The following INPP4B variants were observed in gnomAD, a reference collection of about 807,000 sequenced individuals.
The protein encoded by INPP4B is inositol polyphosphate 4-phosphatase type II.
Under a neutral mutation model 122.5 loss-of-function variants are expected in INPP4B, and 55 were observed. That is an observed-to-expected ratio of 0.45 (90% CI 0.36 to 0.56). The LOEUF (loss-of-function observed/expected upper bound fraction) is 0.56. Among genes scored for constraint, INPP4B ranks in the 20% least tolerant of loss-of-function variants. INPP4B has a pLI of 0.00. For missense variants in INPP4B, 1,000 were observed against 1,097.7 expected (o/e 0.91, Z 1.26); for synonymous variants, 403 against 388.7 (o/e 1.04, Z -0.43).
At chr4:142,590,885 A>AT (rs1336831623) in intron 2 of INPP4B, among the ~76,000 whole-genome samples, 4 of 147,900 alleles carry the variant, frequency 2.7e-5, no homozygotes, top group African/African-American at 1.0e-4. Context: ...ATTCTCCAAA[A>AT]AAAAAAAAAA....
intron 23 of INPP4B, among the ~76,000 whole-genome samples, chr4:142,089,474 CACACACAGAG>C (rs1778443665): frequency 8.5e-6 from 1 of 117,394 alleles, no homozygotes; most frequent in Admixed American, 8.3e-5. Flanking sequence ...CACACACACA[CACACACAGAG>C]AGAGAGAGAG....
At chr4:142,844,046 G>C (rs953958742) in intron 1 of INPP4B, among the ~76,000 whole-genome samples, 1 of 152,114 alleles carries the variant, frequency 6.6e-6, no homozygotes, top group African/African-American at 2.4e-5. Context: ...TATGATAGTA[G>C]AGCGATTTAG....
At chr4:142,080,301 C>T (rs918516445) in intron 25 of INPP4B, among the ~76,000 whole-genome samples, 1 of 152,054 alleles carries the variant, frequency 6.6e-6, no homozygotes, top group African/African-American at 2.4e-5. Flanking sequence ...AGGCAAAATA[C>T]CCAGAGGGAA....
chr4:142,815,461 T>C (rs1489329953), intron 1 of INPP4B, among the ~76,000 whole-genome samples: 2 of 152,290 alleles, frequency 1.3e-5, no homozygotes, highest in East Asian at 3.9e-4. Flanking sequence ...CCCATACTGT[T>C]CTAGGATAAT....
At chr4:142,646,514 A>C (rs944576575) in intron 2 of INPP4B, among the ~76,000 whole-genome samples, 1 of 152,242 alleles carries the variant, frequency 6.6e-6, no homozygotes, top group East Asian at 1.9e-4. Context: ...AAAATGTTTT[A>C]GTCCTAGCCA....
chr4:142,217,887 T>G (rs1847968726), intron 12 of INPP4B, among the ~76,000 whole-genome samples: 2 of 152,258 alleles, frequency 1.3e-5, no homozygotes, highest in Admixed American at 6.5e-5. Context: ...AACTGAGACT[T>G]TGCTTTTTTC....
intron 1 of INPP4B, among the ~76,000 whole-genome samples, chr4:142,729,191 C>T (rs2150872825): frequency 6.6e-6 from 1 of 152,258 alleles, no homozygotes; most frequent in East Asian, 1.9e-4. Flanking sequence ...ATGGGGAGCT[C>T]AGGCAGTAAT....
At chr4:142,827,212 A>G (rs972256218) in intron 1 of INPP4B, among the ~76,000 whole-genome samples, 1 of 152,196 alleles carries the variant, frequency 6.6e-6, no homozygotes, top group African/African-American at 2.4e-5. Flanking sequence ...CCATGTTGTC[A>G]GCATAAGAGC....
At chr4:142,749,386 C>CAA (rs1769298585) in intron 1 of INPP4B, among the ~76,000 whole-genome samples, 2 of 149,238 alleles carry the variant, frequency 1.3e-5, no homozygotes, top group East Asian at 2.0e-4. Flanking sequence ...TTTCTAACTT[C>CAA]AAAAAAGTAA....
chr4:142,730,842 C>A (rs1015176514), intron 1 of INPP4B, among the ~76,000 whole-genome samples: 4 of 152,186 alleles, frequency 2.6e-5, no homozygotes, highest in African/African-American at 7.2e-5. Flanking sequence ...CAATTGCTAT[C>A]TATTAAATAT....
chr4:142,308,929 C>A (rs559707837), intron 8 of INPP4B, among the ~76,000 whole-genome samples: 1 of 152,256 alleles, frequency 6.6e-6, no homozygotes, highest in South Asian at 2.1e-4. Context: ...TTCCGGCCCC[C>A]AGGCTCACCA....
intron 9 of INPP4B, among the ~76,000 whole-genome samples, chr4:142,289,926 A>G (rs1035201498): frequency 2.0e-5 from 3 of 152,140 alleles, no homozygotes; most frequent in African/African-American, 7.2e-5. Flanking sequence ...AAATGTATCC[A>G]GAATGTGACC....
At chr4:142,524,894 C>T (rs1358564325) in intron 2 of INPP4B, among the ~76,000 whole-genome samples, 2 of 151,318 alleles carry the variant, frequency 1.3e-5, no homozygotes, top group South Asian at 2.1e-4. Flanking sequence ...CCAGGGCAAT[C>T]AGGCAGGAGA....
intron 23 of INPP4B, among the ~76,000 whole-genome samples, chr4:142,106,183 T>C (rs141401005): frequency 1.6e-4 from 25 of 152,354 alleles, no homozygotes; most frequent in African/African-American, 5.5e-4. Context: ...ATTGGTTTTA[T>C]ACAAAATTCC....
chr4:142,619,049 C>T (rs1209215158), intron 2 of INPP4B, among the ~76,000 whole-genome samples: 1 of 151,956 alleles, frequency 6.6e-6, no homozygotes, highest in African/African-American at 2.4e-5. Flanking sequence ...TGTCACCTTA[C>T]ACCTCTTAAG....
chr4:142,746,192 C>A (rs1432262725), intron 1 of INPP4B, among the ~76,000 whole-genome samples: 1 of 151,518 alleles, frequency 6.6e-6, no homozygotes, highest in African/African-American at 2.4e-5. Flanking sequence ...CATACACTAA[C>A]CAGAAAATAA....
rs1460080169 is a variant in INPP4B, at chr4:142,790,251, A to G, written c.-254+55958T>C. On this transcript the variant is annotated intron_variant, in intron 1 of 25. Coordinates refer to ENST00000262992, the MANE Select transcript of INPP4B (RefSeq NM_001101669.3). The stretch of plus-strand genomic sequence containing the variant: ...TTGCTGGGACTTAATTAAACTAAAA[A>G]GGAACCGTCAGCAGAGTAAACAGAC... Among the ~76,000 whole-genome samples the G allele has an allele frequency of 4.6e-5, 7 of 152,248 alleles. No individual in the cohort carries two copies. The East Asian group carries it at 1.4e-3, about 29-fold the overall frequency.
At chr4:142,834,296 T>C (rs1782518800) in intron 1 of INPP4B, among the ~76,000 whole-genome samples, 1 of 152,176 alleles carries the variant, frequency 6.6e-6, no homozygotes, top group South Asian at 2.1e-4. Context: ...CTGAGGTGAT[T>C]ATTATTCGTA....
chr4:142,483,898 G>T (rs902270915), intron 2 of INPP4B, among the ~76,000 whole-genome samples: 2 of 152,006 alleles, frequency 1.3e-5, no homozygotes, highest in Non-Finnish European at 2.9e-5. Context: ...TCCTTAGATG[G>T]CTGCATGGGT....
Sources: allele counts gnomAD v4.1 joint callset (sites outside exome capture counted in the v4.1 genomes callset), GRCh38; gene constraint gnomAD v4.1.1; transcripts MANE v1.5; gene names NCBI Gene and HGNC (gene_info 2026-07-23, HGNC 2026-07-21).